NCAM2: variants seen among roughly 807,000 people sequenced by gnomAD.
NCAM2 encodes neural cell adhesion molecule 2.
Under a neutral mutation model 98.1 loss-of-function variants are expected in NCAM2, and 30 were observed. The observed-to-expected ratio is 0.31, with a 90% CI of 0.23 to 0.41. The LOEUF (loss-of-function observed/expected upper bound fraction) is 0.41, where lower values mean the gene tolerates loss of function less well. Among genes scored for constraint, NCAM2 ranks in the 10% least tolerant of loss-of-function variants. The pLI is 1.00. For synonymous variants in NCAM2, 368 were observed against 342.4 expected (o/e 1.07, Z -0.83); for missense variants, 867 against 1,005.8 (o/e 0.86, Z 1.87).
intron 1 of NCAM2, among the ~76,000 whole-genome samples, chr21:21,188,604 A>G (rs2068716371): frequency 6.6e-6 from 1 of 152,172 alleles, no homozygotes; most frequent in Non-Finnish European, 1.5e-5. Flanking sequence ...ACTCTGGACT[A>G]AAAGAAGTGC....
chr21:21,377,443 A>G (rs1026796979), intron 9 of NCAM2, among the ~76,000 whole-genome samples: 4 of 151,940 alleles, frequency 2.6e-5, no homozygotes, highest in African/African-American at 9.6e-5. Context: ...ATTATTTTTA[A>G]TTTACTTTAT....
intron 1 of NCAM2, among the ~76,000 whole-genome samples, chr21:21,236,756 A>ATGTGTG (rs35816689): frequency 0.02 from 3,033 of 150,054 alleles, 76 homozygotes; most frequent in African/African-American, 0.053. Context: ...ATCAGTACAT[A>ATGTGTG]TGTGTGTGTG....
intron 12 of NCAM2, among the ~76,000 whole-genome samples, chr21:21,455,734 A>G (rs1602395859): frequency 6.6e-6 from 1 of 152,130 alleles, no homozygotes; most frequent in East Asian, 1.9e-4. Flanking sequence ...CATTTAAAAT[A>G]TTTAAATAAA....
In NCAM2 at chr21:21,389,504, T is replaced by C. The variant is rs1243131679; in HGVS notation, c.1195+15491T>C. On this transcript the variant is annotated intron_variant, in intron 9 of 17. Transcript: ENST00000400546. Reference sequence around the variant, plus strand: ...GTTATTGTTAACTATAGTTGCCCTCTTGTGCTACCAATCACTACGTCTTAT... The same window carrying C: ...GTTATTGTTAACTATAGTTGCCCTCCTGTGCTACCAATCACTACGTCTTAT... Among the ~76,000 whole-genome samples the C allele has an allele frequency of 2.0e-5, 3 of 152,204 alleles. No homozygotes were observed. In the South Asian group the frequency reaches 6.2e-4, roughly 32 times the overall value.
Position 21,286,334 on chromosome 21 carries a change from G to C in NCAM2, c.403G>C (p.Val135Leu), listed in dbSNP as rs1568885714. ...CAAACAAGGAGAAGATGCAGAAGTG[G>C]TTTGCCGAGTTAGCAGTTCACCTGC... is the stretch of plus-strand genomic sequence containing the variant. ...EFKQGEDAEVVCRVSSSPAPA... is the reference protein window; with the variant it reads ...EFKQGEDAEVLCRVSSSPAPA... Residue 135 changes from valine (V) to leucine (L), a missense_variant, in exon 4 of 18, where the codon GTT (valine) becomes CTT (leucine). Around this residue, in one of 5 missense-constraint regions of NCAM2, gnomAD observed 447 missense variants for 495.7 expected, o/e 0.90. Coordinates refer to ENST00000400546, the MANE Select transcript of NCAM2 (RefSeq NM_004540.5). 1.2e-6 allele frequency: 2 copies of C among 1,612,188 alleles called. No individual in the cohort carries two copies. The highest frequency in any genetic ancestry group is 1.7e-6 in the Non-Finnish European group (2 of 1,179,066).
chr21:21,367,759 T>C (rs563614096), intron 8 of NCAM2, among the ~76,000 whole-genome samples: 10 of 152,080 alleles, frequency 6.6e-5, no homozygotes, highest in Admixed American at 1.3e-4. Context: ...TGTATTCTTA[T>C]CATACCCATT....
intron 1 of NCAM2, among the ~76,000 whole-genome samples, chr21:21,009,244 T>C (rs932903186): frequency 6.6e-6 from 1 of 152,180 alleles, no homozygotes; most frequent in African/African-American, 2.4e-5. Flanking sequence ...ATGATTTGTT[T>C]TGTTGAAAAT....
chr21:21,089,369 A>G (rs1488438423), intron 1 of NCAM2, among the ~76,000 whole-genome samples: 1 of 152,178 alleles, frequency 6.6e-6, no homozygotes, highest in Non-Finnish European at 1.5e-5. Context: ...CCCAAAACCT[A>G]TGAGAATTTT....
Position 21,170,845 on chromosome 21 carries a change from C to T in NCAM2, c.56-109733C>T, listed in dbSNP as rs551931294. Among the ~76,000 whole-genome samples the T allele has an allele frequency of 3.3e-5, 5 of 152,108 alleles. No individual in the cohort carries two copies. In the South Asian group the frequency reaches 1.0e-3, roughly 32 times the overall value. On this transcript the variant is annotated intron_variant, in intron 1 of 17. Coordinates refer to ENST00000400546, the MANE Select transcript of NCAM2 (RefSeq NM_004540.5). ...TAGGGTGTTCCTAGAGGGGGGAAGG[C>T]TGTGCTTGGTGTGGGGACAGGGCTA...
At chr21:21,118,029 C>A (rs1201303619) in intron 1 of NCAM2, among the ~76,000 whole-genome samples, 1 of 152,070 alleles carries the variant, frequency 6.6e-6, no homozygotes, top group African/African-American at 2.4e-5. Flanking sequence ...CTTTTCAAAT[C>A]CTAATGGAAA....
At chr21:21,507,895 A>G (rs575995686) in intron 15 of NCAM2, among the ~76,000 whole-genome samples, 1 of 151,664 alleles carries the variant, frequency 6.6e-6, no homozygotes, top group East Asian at 1.9e-4. Context: ...TTATTCTTCT[A>G]GATAATACAT....
At chr21:21,335,033 TTATGA>T (rs2074821896) in intron 6 of NCAM2, among the ~76,000 whole-genome samples, 1 of 152,106 alleles carries the variant, frequency 6.6e-6, no homozygotes, top group African/African-American at 2.4e-5. Context: ...CAATATACAT[TTATGA>T]TATATTTACA....
intron 12 of NCAM2, among the ~76,000 whole-genome samples, chr21:21,451,385 G>A (rs2826846): frequency 1.3e-5 from 2 of 151,948 alleles, no homozygotes; most frequent in African/African-American, 4.8e-5. Context: ...GCTTTTCTGG[G>A]AAGTAATGTT....
At chr21:21,053,657 T>C (rs1441640014) in intron 1 of NCAM2, among the ~76,000 whole-genome samples, 4 of 150,932 alleles carry the variant, frequency 2.7e-5, no homozygotes, top group East Asian at 1.9e-4. Flanking sequence ...TTTTTCCCTC[T>C]CATTTTTTCA....
At chr21:21,114,835 T>G (rs1039840909) in intron 1 of NCAM2, among the ~76,000 whole-genome samples, 1 of 152,176 alleles carries the variant, frequency 6.6e-6, no homozygotes, top group African/African-American at 2.4e-5. Flanking sequence ...ACTTTTTTTT[T>G]TTTTTTTGAA....
chr21:21,449,889 A>G (rs1980762893), intron 12 of NCAM2, among the ~76,000 whole-genome samples: 1 of 152,126 alleles, frequency 6.6e-6, no homozygotes, highest in Non-Finnish European at 1.5e-5. Flanking sequence ...TACTTTATGT[A>G]TAGATTATGG....
intron 1 of NCAM2, among the ~76,000 whole-genome samples, chr21:21,211,068 A>C (rs2069643963): frequency 1.3e-5 from 2 of 151,642 alleles, no homozygotes; most frequent in South Asian, 4.2e-4. Flanking sequence ...TATTTCATAA[A>C]TTGCTAAATA....
At chr21:21,014,642 C>CA (rs1480933508) in intron 1 of NCAM2, among the ~76,000 whole-genome samples, 1 of 152,164 alleles carries the variant, frequency 6.6e-6, no homozygotes, top group Non-Finnish European at 1.5e-5. Context: ...TGGAGATTTA[C>CA]AAAAAGATCA....
At chr21:21,227,897 G>A (rs983058805) in intron 1 of NCAM2, among the ~76,000 whole-genome samples, 1 of 151,738 alleles carries the variant, frequency 6.6e-6, no homozygotes, top group African/African-American at 2.4e-5. Flanking sequence ...GATCTTTTAT[G>A]ATTGTTAAGT....
Sources: gnomAD v4.1 joint callset for allele counts (sites outside exome capture counted in the v4.1 genomes callset) on GRCh38, gnomAD v4.1.1 for gene constraint, gnomAD v4.1.1 regional missense constraint, MANE v1.5 for transcripts, NCBI Gene and HGNC (gene_info 2026-07-23, HGNC 2026-07-21) for gene names.